Variants in TRPC4 observed in about 807,000 individuals in gnomAD.
TRPC4 encodes short transient receptor potential channel 4.
In TRPC4, 49 loss-of-function variants were observed where a neutral mutation model predicts 99.4. The observed-to-expected ratio is 0.49, with a 90% CI of 0.39 to 0.63. The LOEUF (loss-of-function observed/expected upper bound fraction) is 0.63, where lower values mean the gene tolerates loss of function less well. Ranked by LOEUF, TRPC4 falls within the 20% of genes least tolerant of loss-of-function variation. TRPC4 has a pLI of 0.00. For missense variants in TRPC4, 898 were observed against 1,152.9 expected (o/e 0.78, Z 3.20); for synonymous variants, 454 against 425.9 (o/e 1.07, Z -0.81).
At chr13:37,759,679 C>T (rs892937416) in intron 2 of TRPC4, among the ~76,000 whole-genome samples, 2 of 151,742 alleles carry the variant, frequency 1.3e-5, no homozygotes, top group African/African-American at 4.8e-5. Context: ...TAATGAAATA[C>T]AAATATTTGT....
At chr13:37,670,401 A>G (rs550653605) in intron 5 of TRPC4, among the ~76,000 whole-genome samples, 119 of 152,286 alleles carry the variant, frequency 7.8e-4, no homozygotes, top group Non-Finnish European at 1.4e-3. Context: ...GGACCTATGA[A>G]TGGACTTTGT....
At chr13:37,792,437 C>T (rs568171747) in intron 1 of TRPC4, among the ~76,000 whole-genome samples, 1 of 152,154 alleles carries the variant, frequency 6.6e-6, no homozygotes, top group Non-Finnish European at 1.5e-5. Context: ...AGAACGCGTG[C>T]ATAAATGTTA....
intron 8 of TRPC4, among the ~76,000 whole-genome samples, chr13:37,649,633 C>T (rs1414993065): frequency 1.4e-5 from 2 of 145,102 alleles, no homozygotes; most frequent in Non-Finnish European, 3.0e-5. Context: ...ACTCGGGAGG[C>T]TGAGGCAGGA....
At chr13:37,797,272 C>T (rs1336727680) in intron 1 of TRPC4, among the ~76,000 whole-genome samples, 9 of 152,094 alleles carry the variant, frequency 5.9e-5, no homozygotes, top group African/African-American at 1.9e-4. Flanking sequence ...TCCCCAGTTA[C>T]AGACAGTGAA....
intron 3 of TRPC4, among the ~76,000 whole-genome samples, chr13:37,734,262 T>C (rs533300122): frequency 6.6e-6 from 1 of 152,340 alleles, no homozygotes; most frequent in East Asian, 1.9e-4. Context: ...AATATTTTCC[T>C]GGGCTTCAAT....
intron 8 of TRPC4, among the ~76,000 whole-genome samples, chr13:37,639,797 T>C (rs896141622): frequency 3.3e-5 from 5 of 150,814 alleles, no homozygotes; most frequent in African/African-American, 1.2e-4. Context: ...GAGATTCCTG[T>C]TTAAATAGAT....
rs1951447050 is a variant in TRPC4 at position 37,633,897 on chromosome 13, C to T, written c.*3006G>A. Among the ~76,000 whole-genome samples, 1 of 151,992 alleles carries T rather than the reference C, an allele frequency of 6.6e-6. No homozygotes were observed. Among genetic ancestry groups the T allele is most frequent in the Admixed American group, 6.6e-5 (1 of 15,230 alleles). ...TGAAGTTAATATAGATTTATTTGCACAGAAATTTTAAGGAAAACCTTTATT... is the reference window on the plus strand; with the variant it reads ...TGAAGTTAATATAGATTTATTTGCATAGAAATTTTAAGGAAAACCTTTATT... On this transcript the variant is annotated 3_prime_UTR_variant, in exon 11 of 11. Transcript: ENST00000379705.
intron 6 of TRPC4, among the ~76,000 whole-genome samples, chr13:37,659,701 A>C (rs549969136): frequency 6.6e-6 from 1 of 152,328 alleles, no homozygotes; most frequent in East Asian, 1.9e-4. Flanking sequence ...GGGCAGGGGT[A>C]CTTAGATTTG....
At chr13:37,654,287 A>G (rs1268479859) in intron 7 of TRPC4, among the ~76,000 whole-genome samples, 1 of 152,168 alleles carries the variant, frequency 6.6e-6, no homozygotes, top group Non-Finnish European at 1.5e-5. Context: ...TATAATTACG[A>G]TTATAAAATG....
At chr13:37,858,618 C>T (rs576740131) in intron 1 of TRPC4, among the ~76,000 whole-genome samples, 11 of 151,574 alleles carry the variant, frequency 7.3e-5, no homozygotes, top group African/African-American at 2.7e-4. Flanking sequence ...GATCCTGTTA[C>T]TTACAACAAC....
At chr13:37,744,818 G>A (rs1955691451) in intron 3 of TRPC4, among the ~76,000 whole-genome samples, 1 of 152,080 alleles carries the variant, frequency 6.6e-6, no homozygotes, top group South Asian at 2.1e-4. Flanking sequence ...ATTTTCTTCA[G>A]ATAGATGTAA....
At chr13:37,838,248 G>A (rs1228218945) in intron 1 of TRPC4, among the ~76,000 whole-genome samples, 1 of 152,200 alleles carries the variant, frequency 6.6e-6, no homozygotes. Flanking sequence ...TGAGCCAGCT[G>A]TTCTTAGTGT....
Position 37,720,806 on chromosome 13 carries a change from C to A in TRPC4, c.897+25131G>T, listed in dbSNP as rs541317415. ...TTCTGAATATACTTCATTTTCAATTCTTTAGGGATACACTTATTTAATAAT... is the reference window on the plus strand; with the variant it reads ...TTCTGAATATACTTCATTTTCAATTATTTAGGGATACACTTATTTAATAAT... On this transcript the variant is annotated intron_variant, in intron 3 of 10. Transcript: ENST00000379705. 1.9e-3 allele frequency among the ~76,000 whole-genome samples: 282 copies of A among 152,132 alleles called. 4 individuals carry two copies. Among genetic ancestry groups the A allele is most frequent in the African/African-American group, 6.5e-3 (271 of 41,508 alleles).
chr13:37,836,387 A>G (rs1346054124), intron 1 of TRPC4, among the ~76,000 whole-genome samples: 1 of 152,174 alleles, frequency 6.6e-6, no homozygotes, highest in Admixed American at 6.5e-5. Context: ...ACAGGAAAAT[A>G]TGGGAAAGTT....
chr13:37,837,294 C>T (rs1283244467), intron 1 of TRPC4, among the ~76,000 whole-genome samples: 1 of 152,222 alleles, frequency 6.6e-6, no homozygotes, highest in Admixed American at 6.5e-5. Context: ...AGAAGAGGGC[C>T]ACCTTCCTCC....
chr13:37,646,375 G>A (rs1324344555), intron 8 of TRPC4, among the ~76,000 whole-genome samples: 4 of 151,578 alleles, frequency 2.6e-5, no homozygotes, highest in Admixed American at 1.3e-4. Flanking sequence ...TTTTTGGTTC[G>A]GTATGGTAAC....
chr13:37,761,561 T>C (rs1399543198), intron 2 of TRPC4, among the ~76,000 whole-genome samples: 1 of 151,952 alleles, frequency 6.6e-6, no homozygotes, highest in African/African-American at 2.4e-5. Flanking sequence ...TTATTCAAAA[T>C]ATTTCTCATT....
At chr13:37,753,997 G>A (rs994582904) in intron 2 of TRPC4, among the ~76,000 whole-genome samples, 4 of 152,096 alleles carry the variant, frequency 2.6e-5, no homozygotes, top group South Asian at 2.1e-4. Flanking sequence ...CTGAAGCTAT[G>A]GAGAGGGCAG....
intron 1 of TRPC4, among the ~76,000 whole-genome samples, chr13:37,866,656 A>G (rs1223083163): frequency 2.6e-5 from 4 of 151,824 alleles, no homozygotes; most frequent in African/African-American, 9.7e-5. Flanking sequence ...CACAGCCATG[A>G]TATTATATCC....
Sources: gnomAD v4.1 joint callset for allele counts (sites outside exome capture counted in the v4.1 genomes callset) on GRCh38, gnomAD v4.1.1 for gene constraint, MANE v1.5 for transcripts, NCBI Gene and HGNC (gene_info 2026-07-23, HGNC 2026-07-21) for gene names.